LIMK2: variants seen among roughly 807,000 people sequenced by gnomAD.
LIMK2 encodes LIM domain kinase 2.
In LIMK2, 35 loss-of-function variants were observed where a neutral mutation model predicts 75.7. That is an observed-to-expected ratio of 0.46 (90% confidence interval 0.35 to 0.61). The LOEUF is 0.61. Ranked by LOEUF, LIMK2 falls within the 20% of genes least tolerant of loss-of-function variation. LIMK2 has a pLI of 0.00. For synonymous variants in LIMK2, 301 were observed against 319.2 expected, an observed-to-expected ratio of 0.94 and a Z score of 0.61; for missense variants, 623 against 831.0, an observed-to-expected ratio of 0.75 and a Z score of 3.08.
Position 31,273,490 on chromosome 22 carries a change from G to A in LIMK2, c.1597G>A (p.Gly533Arg). 6.2e-7 allele frequency: 1 copy of A among 1,613,898 alleles called. No homozygotes were observed. The highest frequency in any genetic ancestry group is 8.5e-7 in the Non-Finnish European group (1 of 1,179,874). Residue 533 changes from glycine (G) to arginine (R), a missense_variant, in exon 14 of 16, where the codon GGG becomes AGG. Around this residue, in one of 3 missense-constraint regions of LIMK2, gnomAD observed 63 missense variants for 122.8 expected, o/e 0.51. Transcript: ENST00000331728. Reference sequence around the variant, plus strand: ...TGAGACGGTGGATATCTTCTCCTTTGGGATCGTTCTCTGTGAGGTGAGCTC... The same window carrying A: ...TGAGACGGTGGATATCTTCTCCTTTAGGATCGTTCTCTGTGAGGTGAGCTC... ...YDETVDIFSF[G>R]IVLCEIIGQV...
intron 15 of LIMK2, chr22:31,276,981 T>C (rs761624460): frequency 6.2e-7 from 1 of 1,613,692 alleles, no homozygotes; most frequent in African/African-American, 1.3e-5. Flanking sequence ...AACTAGAGAT[T>C]GACGTGGATG....
In LIMK2 at chr22:31,265,895, G is replaced by C. The variant is rs1452884164; in HGVS notation, c.855-51G>C. On this transcript the variant is annotated intron_variant, in intron 7 of 15. Coordinates refer to ENST00000331728, the MANE Select transcript of LIMK2 (RefSeq NM_005569.4). The stretch of plus-strand genomic sequence containing the variant: ...AGTTTCCTCCCTCCAGGGTTTCTTG[G>C]CCGGTCTCTGAGGACTACACATCCC... The C allele has an allele frequency of 2.6e-6, 4 of 1,536,008 alleles. No homozygotes were observed. In the African/African-American group the frequency reaches 5.5e-5, roughly 21 times the overall value.
chr22:31,267,550 C>A (rs911380727), intron 9 of LIMK2, among the ~76,000 whole-genome samples: 1 of 152,224 alleles, frequency 6.6e-6, no homozygotes, highest in Non-Finnish European at 1.5e-5. Context: ...TGGCCACTCC[C>A]ACCCCAGTTC....
intron 15 of LIMK2, chr22:31,276,851 G>T (rs550053263): frequency 7.4e-6 from 12 of 1,611,958 alleles, no homozygotes; most frequent in Non-Finnish European, 9.3e-6. Context: ...CCAGTGAGGC[G>T]CCAAGGGAAG....
intron 2 of LIMK2, among the ~76,000 whole-genome samples, chr22:31,234,237 C>G (rs899039625): frequency 6.6e-6 from 1 of 151,366 alleles, no homozygotes; most frequent in African/African-American, 2.4e-5. Context: ...GTCTCGAACT[C>G]CTGACCTCAA....
At chr22:31,242,056 C>T (rs2048627872) in intron 2 of LIMK2, among the ~76,000 whole-genome samples, 1 of 152,160 alleles carries the variant, frequency 6.6e-6, no homozygotes, top group Non-Finnish European at 1.5e-5. Context: ...CCTCAAATTG[C>T]TGGGTATGTT....
At chr22:31,249,932 A>G (rs1047604703) in intron 2 of LIMK2, among the ~76,000 whole-genome samples, 3 of 152,166 alleles carry the variant, frequency 2.0e-5, no homozygotes, top group Admixed American at 6.5e-5. Context: ...GAGATTATAT[A>G]TCCCCATTTT....
intron 1 of LIMK2, among the ~76,000 whole-genome samples, chr22:31,221,169 C>T (rs1370293038): frequency 6.6e-6 from 1 of 152,072 alleles, no homozygotes; most frequent in East Asian, 1.9e-4. Flanking sequence ...GGACCATTTG[C>T]TCTTTCAGTA....
At chr22:31,247,155 C>T (rs565191814) in intron 2 of LIMK2, among the ~76,000 whole-genome samples, 1 of 152,214 alleles carries the variant, frequency 6.6e-6, no homozygotes, top group African/African-American at 2.4e-5. Flanking sequence ...CAATGGTGAG[C>T]GGTGTGTGCC....
At chr22:31,269,025 T>A (rs2048926214) in intron 11 of LIMK2, among the ~76,000 whole-genome samples, 1 of 137,520 alleles carries the variant, frequency 7.3e-6, no homozygotes, top group Non-Finnish European at 1.6e-5. Flanking sequence ...TTGACTGGCT[T>A]TTTGGTTTTT....
intron 7 of LIMK2, 54 bp from the exon 8 acceptor site, chr22:31,265,892 T>A: frequency 1.3e-6 from 2 of 1,524,346 alleles, no homozygotes; most frequent in Non-Finnish European, 1.8e-6. Context: ...CCAGGGTTTC[T>A]TGGCCGGTCT....
rs1342938634 is a variant in LIMK2 at position 31,266,129 on chromosome 22, C to G, written c.1038C>G (p.Ile346Met). ...GGAAGGGCTTCTTTGGGCAGGCTAT[C>G]AAGGTGAGCGCAGGCAACAATTGCT... ...VLGKGFFGQAIKVTHKATGKV... is the reference protein window; with the variant it reads ...VLGKGFFGQAMKVTHKATGKV... Residue 346 changes from isoleucine (I) to methionine (M), a missense_variant, in exon 8 of 16, where the codon ATC becomes ATG. Physicochemically the swap from Ile to Met is conservative, Grantham distance 10 (BLOSUM62 1). Coordinates refer to ENST00000331728, the MANE Select transcript of LIMK2 (RefSeq NM_005569.4). 6.2e-7 allele frequency: 1 copy of G among 1,613,986 alleles called. No homozygotes were observed. Among genetic ancestry groups the G allele is most frequent in the African/African-American group, 1.3e-5 (1 of 74,928 alleles).
intron 5 of LIMK2, 97 bp downstream of exon 5, chr22:31,260,174 CT>C: frequency 9.9e-7 from 1 of 1,011,866 alleles, no homozygotes; most frequent in Non-Finnish European, 1.4e-6. Flanking sequence ...GCAGAACTCC[CT>C]TTATTCTCAT....
In LIMK2 at chr22:31,212,432, A is replaced by G; in HGVS notation, c.16+8A>G. ...CCATGTCCGCGCTGGCGGGTAAGGA[A>G]GGGCTGCTCCGCCCTGTCCCGCTGT... On this transcript the variant is annotated splice_region_variant and intron_variant, in intron 1 of 15. Coordinates refer to ENST00000331728, the MANE Select transcript of LIMK2 (RefSeq NM_005569.4). 2 of 1,331,920 alleles carry G rather than the reference A, an allele frequency of 1.5e-6. No homozygotes were observed. The highest frequency in any genetic ancestry group is 1.9e-6 in the Non-Finnish European group (2 of 1,031,640). The allele number at this position is 1,331,920 out of a possible 1,614,324, so 82.5% of individuals were successfully genotyped here. A position where few individuals can be genotyped will look rare whatever the true frequency, so the allele number is the denominator to read the frequency against.
chr22:31,230,056 C>CTTTTTTTTT (rs33933239), intron 2 of LIMK2: 4 of 120,828 alleles, frequency 3.3e-5, no homozygotes, highest in Non-Finnish European at 5.2e-5. Flanking sequence ...TTCTTTCTTT[C>CTTTTTTTTT]TTTTTTTTTT....
intron 1 of LIMK2, among the ~76,000 whole-genome samples, chr22:31,215,434 T>TA (rs1171137383): frequency 6.6e-6 from 1 of 152,202 alleles, no homozygotes; most frequent in African/African-American, 2.4e-5. Flanking sequence ...TAACAGGTGT[T>TA]AGAGCCAGGA....
At position 31,279,311 on chromosome 22, in the gene LIMK2, C is replaced by T. The variant is rs1432587116; in HGVS notation, c.*870C>T. On this transcript the variant is annotated 3_prime_UTR_variant, in exon 16 of 16. Coordinates refer to ENST00000331728, the MANE Select transcript of LIMK2 (RefSeq NM_005569.4). ...TTAGTCAGATGCCTAAAACATTTTG[C>T]CTAAAGCTCGATGGGTTCTGGAGGA... is the stretch of plus-strand genomic sequence containing the variant. 6.6e-6 allele frequency: 1 copy of T among 152,234 alleles called. No homozygotes were observed. Among genetic ancestry groups the T allele is most frequent in the Non-Finnish European group, 1.5e-5 (1 of 68,058 alleles). The allele number at this position is 152,234 out of a possible 1,614,324, so 9.4% of individuals were successfully genotyped here.
intron 7 of LIMK2, among the ~76,000 whole-genome samples, chr22:31,265,383 CAAT>C (rs1262212523): frequency 6.7e-6 from 1 of 150,254 alleles, no homozygotes; most frequent in Non-Finnish European, 1.5e-5. Context: ...ATAATAATAA[CAAT>C]AACTAGCCGG....
rs868795741 is a variant in LIMK2, at chr22:31,248,072, G to A, written c.117-10219G>A. On this transcript the variant is annotated intron_variant, in intron 2 of 15. Coordinates refer to ENST00000331728, the MANE Select transcript of LIMK2 (RefSeq NM_005569.4). ...GCTTTTTTTTTTTTTCCACCTCCAAGCAGAATTACTGTCCTGTAGGCAGCT... is the reference window on the plus strand; with the variant it reads ...GCTTTTTTTTTTTTTCCACCTCCAAACAGAATTACTGTCCTGTAGGCAGCT... Among the ~76,000 whole-genome samples, 4 of 151,290 alleles carry A rather than the reference G, an allele frequency of 2.6e-5. No homozygotes were observed. The South Asian group carries it at 6.3e-4, about 24-fold the overall frequency.
Sources: gnomAD v4.1 joint callset for allele counts (sites outside exome capture counted in the v4.1 genomes callset) on GRCh38, gnomAD v4.1.1 for gene constraint, gnomAD v4.1.1 regional missense constraint, MANE v1.5 for transcripts, NCBI Gene and HGNC (gene_info 2026-07-23, HGNC 2026-07-21) for gene names.